The following PDE6B variants were observed in gnomAD, a reference collection of about 807,000 sequenced individuals.
PDE6B encodes rod cGMP-specific 3',5'-cyclic phosphodiesterase subunit beta.
Under a neutral mutation model 109.0 loss-of-function variants are expected in PDE6B, and 106 were observed. That is an observed-to-expected ratio of 0.97 (90% confidence interval 0.83 to 1.14). The LOEUF is 1.14. Ranked by LOEUF, PDE6B falls within the 50% of genes most tolerant of loss-of-function variation. The probability of loss-of-function intolerance (pLI) is 0.00; values close to 1 mark genes in which losing one functional copy is unlikely to be tolerated. For synonymous variants in PDE6B, 490 were observed against 471.3 expected, an observed-to-expected ratio of 1.04 and a Z score of -0.51; for missense variants, 1,193 against 1,155.6, an observed-to-expected ratio of 1.03 and a Z score of -0.47.
intron 3 of PDE6B, chr4:653,505 C>T (rs546139153): frequency 1.2e-4 from 58 of 481,452 alleles, no homozygotes; most frequent in Admixed American, 1.4e-4. Flanking sequence ...AAGCCCTGCT[C>T]GCCGCAGGTG....
chr4:655,953 G>T lies in PDE6B; in HGVS notation c.1006G>T (p.Asp336Tyr), dbSNP rs751003798. The change falls in exon 7 of 22, where the codon GAT becomes TAT. Residue 336 changes from aspartate to tyrosine, a missense_variant. Physicochemically the swap from Asp to Tyr is radical, Grantham distance 160. Coordinates refer to ENST00000496514, the MANE Select transcript of PDE6B (RefSeq NM_000283.4). ...EIKVIPTPSA[D>Y]HWALASGLPS... ...CTCTGCCCACAGCACACCCTCAGCC[G>T]ATCACTGGGCCCTGGCCAGCGGCCT... is the stretch of plus-strand genomic sequence containing the variant. 6.2e-6 allele frequency: 10 copies of T among 1,609,704 alleles called. No homozygotes were observed. The highest frequency in any genetic ancestry group is 1.3e-5 in the African/African-American group (1 of 74,852).
intron 3 of PDE6B, chr4:651,697 A>G (rs1455745330): frequency 6.8e-6 from 1 of 146,718 alleles, no homozygotes. Context: ...CTCTGGAGCT[A>G]TGAAGAGCCG....
intron 1 of PDE6B, among the ~76,000 whole-genome samples, chr4:627,795 G>A (rs1050213776): frequency 2.6e-5 from 4 of 151,824 alleles, no homozygotes; most frequent in Non-Finnish European, 4.4e-5. Context: ...CCCAAATCTG[G>A]GCTGTGTCTT....
Position 662,842 on chromosome 4 carries a change from A to C in PDE6B, c.1832+224A>C, listed in dbSNP as rs1737276271. On this transcript the variant is annotated intron_variant, in intron 14 of 21. Coordinates refer to ENST00000496514, the MANE Select transcript of PDE6B (RefSeq NM_000283.4). This position sits in a 1 kb window ranked among gnomAD's most constrained non-coding sequence, Gnocchi z 4.3. Reference sequence around the variant, plus strand: ...TCTCCTCTACAAAAACTTAAAAAAAAAAAAAAAAAAAAAAGCTGTGTATGG... The same window carrying C: ...TCTCCTCTACAAAAACTTAAAAAAACAAAAAAAAAAAAAAGCTGTGTATGG... 6.6e-6 allele frequency among the ~76,000 whole-genome samples: 1 copy of C among 151,468 alleles called. No individual in the cohort carries two copies. The highest frequency in any genetic ancestry group is 6.6e-5 in the Admixed American group (1 of 15,246).
intron 11 of PDE6B, 106 bp from the exon 12 acceptor site, chr4:660,361 C>A: frequency 8.9e-7 from 1 of 1,119,456 alleles, no homozygotes; most frequent in Non-Finnish European, 1.4e-6. Flanking sequence ...CTCAGAGATG[C>A]CTGAGGTGTC....
At chr4:642,387 A>G (rs1734987228) in intron 3 of PDE6B, among the ~76,000 whole-genome samples, 1 of 152,038 alleles carries the variant, frequency 6.6e-6, no homozygotes, top group Non-Finnish European at 1.5e-5. Flanking sequence ...GAGACAGGAA[A>G]ATCGCTTGAA....
In PDE6B at chr4:654,882, T is replaced by G; in HGVS notation, c.986T>G (p.Val329Gly). The G allele has an allele frequency of 3.3e-6, 5 of 1,531,606 alleles. No homozygotes were observed. The highest frequency in any genetic ancestry group is 4.5e-6 in the Non-Finnish European group (5 of 1,104,848). 94.9% of individuals were successfully genotyped at this position (1,531,606 alleles called of 1,614,324 possible). A position where few individuals can be genotyped will look rare whatever the true frequency, so the allele number is the denominator to read the frequency against. ...YVLHGKEEIK[V>G]IPTPSADHWA... is the part of the protein sequence containing the mutation. ...CTCCACGGCAAGGAGGAGATCAAGGTCATTCCGTAAGTGCAGGATTTTACC... is the reference window on the plus strand; with the variant it reads ...CTCCACGGCAAGGAGGAGATCAAGGGCATTCCGTAAGTGCAGGATTTTACC... Residue 329 changes from valine (V) to glycine (G), a missense_variant, in exon 6 of 22, where the codon GTC (valine) becomes GGC (glycine). Coordinates refer to ENST00000496514, the MANE Select transcript of PDE6B (RefSeq NM_000283.4).
At chr4:658,482 G>A (rs994177062) in intron 10 of PDE6B, among the ~76,000 whole-genome samples, 1 of 151,696 alleles carries the variant, frequency 6.6e-6, no homozygotes, top group Admixed American at 6.6e-5. Flanking sequence ...AGCTGTGTGG[G>A]GCAGGTCACC....
chr4:634,504 G>A (rs1444799450), intron 1 of PDE6B, among the ~76,000 whole-genome samples, 173 bp from the exon 2 acceptor site: 1 of 152,140 alleles, frequency 6.6e-6, no homozygotes, highest in East Asian at 1.9e-4. Flanking sequence ...GAGCCACAGG[G>A]ACAGGCCCAG....
In PDE6B at chr4:666,387, C is replaced by G; in HGVS notation, c.2269-144C>G. On this transcript the variant is annotated intron_variant, in intron 19 of 21. Coordinates refer to ENST00000496514, the MANE Select transcript of PDE6B (RefSeq NM_000283.4). This position sits in a 1 kb window ranked among gnomAD's most constrained non-coding sequence, Gnocchi z 5.6. ...AAGGGAGAGGGTGTCAGCTTCCCCTCCCGAGAGCCAGTTTCTGTCAGGCAG... is the reference window on the plus strand; with the variant it reads ...AAGGGAGAGGGTGTCAGCTTCCCCTGCCGAGAGCCAGTTTCTGTCAGGCAG... 1.5e-6 allele frequency: 1 copy of G among 681,630 alleles called. No homozygotes were observed. The highest frequency in any genetic ancestry group is 2.7e-6 in the Non-Finnish European group (1 of 370,838). The allele number at this position is 681,630 out of a possible 1,614,324, so 42.2% of individuals were successfully genotyped here.
chr4:646,714 C>T (rs1735222454), intron 3 of PDE6B, among the ~76,000 whole-genome samples: 1 of 152,012 alleles, frequency 6.6e-6, no homozygotes, highest in Non-Finnish European at 1.5e-5. Flanking sequence ...CGGGCGGCGG[C>T]GCACTGCGTT....
At chr4:643,295 G>A (rs906516059) in intron 3 of PDE6B, among the ~76,000 whole-genome samples, 3 of 151,532 alleles carry the variant, frequency 2.0e-5, no homozygotes, top group Admixed American at 6.6e-5. Flanking sequence ...GAGACAGAGC[G>A]AGATTCCATC....
chr4:653,791 T>A (rs1735827302), intron 3 of PDE6B, 61 bp from the exon 4 acceptor site: 31 of 1,585,630 alleles, frequency 2.0e-5, no homozygotes, highest in Non-Finnish European at 2.6e-5. Context: ...CCTGCTGCTG[T>A]GGTCAGACCG....
chr4:670,530 C>A lies in PDE6B; in HGVS notation c.*423C>A. 4.7e-6 allele frequency: 1 copy of A among 213,740 alleles called. No homozygotes were observed. Among genetic ancestry groups the A allele is most frequent in the Non-Finnish European group, 9.6e-6 (1 of 104,014 alleles). 13.2% of individuals were successfully genotyped at this position (213,740 alleles called of 1,614,324 possible). A position where few individuals can be genotyped will look rare whatever the true frequency, so the allele number is the denominator to read the frequency against. On this transcript the variant is annotated 3_prime_UTR_variant, in exon 22 of 22. Coordinates refer to ENST00000496514, the MANE Select transcript of PDE6B (RefSeq NM_000283.4). Reference sequence around the variant, plus strand: ...GTGCTGGGATTACAGGCATGAGCCACCACGCCCAGCCTGTTTTTATAAACT... The same window carrying A: ...GTGCTGGGATTACAGGCATGAGCCAACACGCCCAGCCTGTTTTTATAAACT...
intron 3 of PDE6B, among the ~76,000 whole-genome samples, chr4:651,350 TG>T (rs1477620397): frequency 3.3e-5 from 5 of 150,960 alleles, no homozygotes; most frequent in Non-Finnish European, 5.9e-5. Flanking sequence ...CCCCAGGGGT[TG>T]GTGGGTCCTC....
At chr4:632,067 G>C (rs1285414741) in intron 1 of PDE6B, among the ~76,000 whole-genome samples, 3 of 151,630 alleles carry the variant, frequency 2.0e-5, no homozygotes, top group African/African-American at 7.3e-5. Flanking sequence ...GTGGATCTAT[G>C]TGACACCATC....
At chr4:654,481 G>A (rs922365911) in intron 5 of PDE6B, 1 of 588,830 alleles carries the variant, frequency 1.7e-6, no homozygotes, top group East Asian at 2.9e-5. Context: ...GTGTGTGTGT[G>A]AGAGTACGGG....
At chr4:649,699 C>T (rs1224719191) in intron 3 of PDE6B, among the ~76,000 whole-genome samples, 2 of 151,952 alleles carry the variant, frequency 1.3e-5, no homozygotes, top group Non-Finnish European at 2.9e-5. Flanking sequence ...GTTGGGACCG[C>T]GTAGGCCTGA....
rs1286934778 is a variant in PDE6B, at chr4:662,308, C to G, written c.1722+67C>G. ...TGGTACCAAGGGCAGCACTCAAGCA[C>G]CCCGAGGGATGAGATGGGGGTCCTC... On this transcript the variant is annotated intron_variant, in intron 13 of 21. Coordinates refer to ENST00000496514, the MANE Select transcript of PDE6B (RefSeq NM_000283.4). This position sits in a 1 kb window ranked among gnomAD's most constrained non-coding sequence, Gnocchi z 4.3. The G allele has an allele frequency of 9.3e-6, 9 of 969,496 alleles. No homozygotes were observed. The highest frequency in any genetic ancestry group is 1.5e-5 in the Non-Finnish European group (9 of 617,996). 60.1% of individuals were successfully genotyped at this position (969,496 alleles called of 1,614,324 possible). A position where few individuals can be genotyped will look rare whatever the true frequency, so the allele number is the denominator to read the frequency against.
Sources: allele counts gnomAD v4.1 joint callset (sites outside exome capture counted in the v4.1 genomes callset), GRCh38; gene constraint gnomAD v4.1.1; non-coding constraint Gnocchi (gnomAD v3.1); transcripts MANE v1.5; gene names NCBI Gene and HGNC (gene_info 2026-07-23, HGNC 2026-07-21).